DCHS2: variants seen among roughly 807,000 people sequenced by gnomAD.
The protein encoded by DCHS2 is protocadherin-23.
DCHS2 carries 142 observed loss-of-function variants against 182.4 expected under a neutral mutation model. That is an observed-to-expected ratio of 0.78 (90% CI 0.68 to 0.89). The LOEUF (loss-of-function observed/expected upper bound fraction) is 0.89. Ranked by LOEUF, DCHS2 falls within the 40% of genes least tolerant of loss-of-function variation. DCHS2 has a pLI of 0.00. For synonymous variants in DCHS2, 1,740 were observed against 1,663.3 expected, an observed-to-expected ratio of 1.05 and a Z score of -1.12; for missense variants, 4,319 against 4,198.6, an observed-to-expected ratio of 1.03 and a Z score of -0.79.
In DCHS2 at chr4:154,329,605, G is replaced by A. The variant is rs557854971; in HGVS notation, c.3836C>T (p.Ala1279Val). The stretch of plus-strand genomic sequence containing the variant: ...GATGTCAGTAACTGAGACGTAAACC[G>A]CCATGGTGGCGTTTCGTGGTGGGGA... ...RGSPPRNATMAVYVSVTDIND... is the reference protein window; with the variant it reads ...RGSPPRNATMVVYVSVTDIND... Residue 1279 changes from alanine (A) to valine (V), a missense_variant, in exon 6 of 20, where the codon GCG becomes GTG. Physicochemically the swap from Ala to Val is moderately conservative, Grantham distance 64 (BLOSUM62 0). Coordinates refer to ENST00000357232, the MANE Select transcript of DCHS2 (RefSeq NM_001358235.2). 9 of 1,612,876 alleles carry A rather than the reference G, an allele frequency of 5.6e-6. No homozygotes were observed. The highest frequency in any genetic ancestry group is 1.1e-5 in the South Asian group (1 of 91,030).
At chr4:154,365,357 C>T (rs1031674413) in intron 3 of DCHS2, among the ~76,000 whole-genome samples, 3 of 152,146 alleles carry the variant, frequency 2.0e-5, no homozygotes, top group African/African-American at 7.2e-5. Flanking sequence ...CATGATCATA[C>T]AAATAAGGGG....
At chr4:154,410,538 G>A (rs1254741456) in intron 1 of DCHS2, among the ~76,000 whole-genome samples, 1 of 113,796 alleles carries the variant, frequency 8.8e-6, no homozygotes, top group South Asian at 3.2e-4. Context: ...GCTCACACCT[G>A]TAATCCCAGT....
intron 13 of DCHS2, among the ~76,000 whole-genome samples, chr4:154,270,906 C>G (rs1408048081): frequency 6.6e-6 from 1 of 152,040 alleles, no homozygotes; most frequent in Admixed American, 6.6e-5. Context: ...AGAGAGTAAC[C>G]AGCAACTTAA....
At chr4:154,395,278 C>A (rs1731881224) in intron 1 of DCHS2, among the ~76,000 whole-genome samples, 1 of 152,188 alleles carries the variant, frequency 6.6e-6, no homozygotes, top group Non-Finnish European at 1.5e-5. Context: ...CTTGGTCACA[C>A]TCCACCTGGA....
intron 1 of DCHS2, among the ~76,000 whole-genome samples, chr4:154,485,576 T>C: frequency 6.6e-6 from 1 of 152,240 alleles, no homozygotes; most frequent in Non-Finnish European, 1.5e-5. Context: ...CCCGTTTTGC[T>C]TGTTGCTGTC....
chr4:154,353,524 A>G (rs1393978549), intron 3 of DCHS2, among the ~76,000 whole-genome samples: 1 of 152,214 alleles, frequency 6.6e-6, no homozygotes, highest in African/African-American at 2.4e-5. Flanking sequence ...AAGACAGCCA[A>G]CTGGAAGTCA....
intron 2 of DCHS2, 51 bp from the exon 3 acceptor site, chr4:154,366,492 G>T: frequency 2.4e-6 from 3 of 1,227,102 alleles, no homozygotes; most frequent in Non-Finnish European, 3.6e-6. Flanking sequence ...TGAACACTAG[G>T]ATGTAGAATA....
intron 1 of DCHS2, among the ~76,000 whole-genome samples, chr4:154,460,842 T>G (rs1446977438): frequency 6.6e-6 from 1 of 152,176 alleles, no homozygotes; most frequent in Non-Finnish European, 1.5e-5. Context: ...TATATATTAT[T>G]TGGTTAAAAC....
At chr4:154,270,714 A>G (rs180674972) in intron 13 of DCHS2, among the ~76,000 whole-genome samples, 33 of 151,790 alleles carry the variant, frequency 2.2e-4, no homozygotes, top group Admixed American at 4.0e-4. Flanking sequence ...TAGTCCAAGC[A>G]GAAGACAATG....
intron 1 of DCHS2, among the ~76,000 whole-genome samples, chr4:154,486,105 G>A (rs1728573313): frequency 6.6e-6 from 1 of 152,230 alleles, no homozygotes; most frequent in Non-Finnish European, 1.5e-5. Flanking sequence ...GGCAGGGACT[G>A]AGTTATTAAG....
intron 1 of DCHS2, among the ~76,000 whole-genome samples, chr4:154,402,905 T>TA (rs1212802981): frequency 6.6e-6 from 1 of 152,212 alleles, no homozygotes; most frequent in African/African-American, 2.4e-5. Flanking sequence ...GTGCATTTTA[T>TA]TAAATTTATT....
Position 154,491,487 on chromosome 4 carries a change from C to G in DCHS2, c.-132G>C, listed in dbSNP as rs147715286. 1.8e-4 allele frequency: 253 copies of G among 1,406,680 alleles called. 3 individuals are homozygous for G. In the East Asian group the frequency reaches 5.2e-3, roughly 29 times the overall value. 87.1% of individuals were successfully genotyped at this position (1,406,680 alleles called of 1,614,324 possible). Reference sequence around the variant, plus strand: ...TTTGTTTGGCAAACAAACCGACGGCCCAGGAATTCCCGAGGTTACATCTGC... The same window carrying G: ...TTTGTTTGGCAAACAAACCGACGGCGCAGGAATTCCCGAGGTTACATCTGC... On this transcript the variant is annotated 5_prime_UTR_variant, in exon 1 of 20. Transcript: ENST00000357232.
Position 154,491,176 on chromosome 4 carries a change from C to G in DCHS2, c.180G>C (p.Ser60=), listed in dbSNP as rs1484770628. The G allele has an allele frequency of 6.4e-7, 1 of 1,551,170 alleles. No homozygotes were observed. Among genetic ancestry groups the G allele is most frequent in the Non-Finnish European group, 8.7e-7 (1 of 1,146,868 alleles). Residue 60 remains serine (S), a synonymous_variant, in exon 1 of 20, where the codon TCG becomes TCC. Transcript: ENST00000357232. ...LLVHVWLWAA[S]GSSAQLFNLT... ...GGTTGAACAACTGGGCAGAGGAGCC[C>G]GAGGCCGCCCACAGCCACACGTGCA...
At chr4:154,471,713 CTT>C (rs1735476531) in intron 1 of DCHS2, among the ~76,000 whole-genome samples, 1 of 152,062 alleles carries the variant, frequency 6.6e-6, no homozygotes, top group South Asian at 2.1e-4. Flanking sequence ...TGTTTTGTGT[CTT>C]TTCCATTCTC....
rs1290983091 is a variant in DCHS2, at chr4:154,260,012, C to T, written c.6578-256G>A. On this transcript the variant is annotated intron_variant, in intron 14 of 19. Coordinates refer to ENST00000357232, the MANE Select transcript of DCHS2 (RefSeq NM_001358235.2). ...CAATTTTTTGTATTTTTAGTAGAGA[C>T]GGGTTTTCACCATGTTGGCCAGTCT... Among the ~76,000 whole-genome samples, 8 of 152,088 alleles carry T rather than the reference C, an allele frequency of 5.3e-5. No homozygotes were observed. In the South Asian group the frequency reaches 8.3e-4, roughly 16 times the overall value.
At chr4:154,485,835 T>A (rs1010661687) in intron 1 of DCHS2, among the ~76,000 whole-genome samples, 1 of 152,250 alleles carries the variant, frequency 6.6e-6, no homozygotes, top group Non-Finnish European at 1.5e-5. Context: ...GGTTATAAGA[T>A]AAAAGCTGCA....
At chr4:154,488,614 G>C (rs1728669653) in intron 1 of DCHS2, among the ~76,000 whole-genome samples, 1 of 151,816 alleles carries the variant, frequency 6.6e-6, no homozygotes, top group Non-Finnish European at 1.5e-5. Context: ...AAAAATATAT[G>C]AGACATTGCT....
At chr4:154,260,905 G>A (rs934126886) in intron 14 of DCHS2, among the ~76,000 whole-genome samples, 3 of 152,118 alleles carry the variant, frequency 2.0e-5, no homozygotes, top group Non-Finnish European at 4.4e-5. Context: ...AGATTTTTGA[G>A]GGTGATGCCA....
intron 16 of DCHS2, among the ~76,000 whole-genome samples, chr4:154,251,625 T>C (rs2111139930): frequency 6.6e-6 from 1 of 152,320 alleles, no homozygotes; most frequent in Admixed American, 6.5e-5. Flanking sequence ...TTCAAGCGAT[T>C]CTCCTGCCTC....
Sources: allele counts gnomAD v4.1 joint callset (sites outside exome capture counted in the v4.1 genomes callset), GRCh38; gene constraint gnomAD v4.1.1; transcripts MANE v1.5; gene names NCBI Gene and HGNC (gene_info 2026-07-23, HGNC 2026-07-21).